The following POC1B variants were observed in gnomAD, a reference collection of about 807,000 sequenced individuals.
The protein encoded by POC1B is POC1 centriolar protein B.
In POC1B, 44 loss-of-function variants were observed where a neutral mutation model predicts 60.6. The ratio of observed to expected loss-of-function variants is 0.73; its 90% CI spans 0.57 to 0.93. POC1B has a LOEUF of 0.93. Ranked by LOEUF, POC1B falls within the 40% of genes least tolerant of loss-of-function variation. The pLI, the probability that POC1B is intolerant of heterozygous loss-of-function variation, is 0.00. For synonymous variants in POC1B, 180 were observed against 198.9 expected (o/e 0.90, Z 0.80); for missense variants, 555 against 572.3 (o/e 0.97, Z 0.31).
intron 2 of POC1B, chr12:89,524,249 C>T (rs749002956): frequency 6.2e-7 from 1 of 1,613,942 alleles, no homozygotes; most frequent in Non-Finnish European, 8.5e-7. Context: ...ATATTGATGG[C>T]GTATCTCTCA....
At chr12:89,467,806 T>C in intron 7 of POC1B, 121 bp from the exon 8 acceptor site, 1 of 607,942 alleles carries the variant, frequency 1.6e-6, no homozygotes, top group Non-Finnish European at 2.7e-6. Context: ...ATAAGTCTAA[T>C]AAAACACATC....
At chr12:89,453,038 G>A (rs1355349549) in intron 10 of POC1B, among the ~76,000 whole-genome samples, 1 of 152,024 alleles carries the variant, frequency 6.6e-6, no homozygotes, top group Non-Finnish European at 1.5e-5. Flanking sequence ...GATTGTATCT[G>A]AAAAAATATT....
intron 2 of POC1B, chr12:89,502,621 C>T (rs1163381641): frequency 1.5e-6 from 2 of 1,314,442 alleles, no homozygotes; most frequent in East Asian, 2.3e-5. Flanking sequence ...AGATTATTCT[C>T]ATGGATCTTG....
intron 3 of POC1B, among the ~76,000 whole-genome samples, chr12:89,496,671 T>C (rs1869264039): frequency 6.6e-6 from 1 of 152,230 alleles, no homozygotes; most frequent in Non-Finnish European, 1.5e-5. Flanking sequence ...CATATGACCT[T>C]ACACAAATTC....
rs1868792083 is a variant in POC1B at position 89,488,899 on chromosome 12, CT to C, written c.452+3036del. 3.9e-5 allele frequency among the ~76,000 whole-genome samples: 6 copies of C among 152,284 alleles called. No individual in the cohort carries two copies. The South Asian group carries it at 8.3e-4, about 21-fold the overall frequency. Reference sequence around the variant, plus strand: ...CAGCTCCCTGTGAAGAATATGCTTCCTTTGCCAACCATACCCAGAGCTGGCT... The same window carrying C: ...CAGCTCCCTGTGAAGAATATGCTTCCTTGCCAACCATACCCAGAGCTGGCT... On this transcript the variant is annotated intron_variant, in intron 4 of 11. Coordinates refer to ENST00000313546, the MANE Select transcript of POC1B (RefSeq NM_172240.3).
chr12:89,525,800 C>A, intron 1 of POC1B, 81 bp downstream of exon 1: 1 of 1,379,678 alleles, frequency 7.2e-7, no homozygotes, highest in Non-Finnish European at 9.4e-7. Flanking sequence ...CCTCCAGGTG[C>A]GGCTTCGGCC....
At chr12:89,500,490 T>G (rs10777172) in intron 2 of POC1B, 2 of 1,593,694 alleles carry the variant, frequency 1.3e-6, no homozygotes, top group Non-Finnish European at 1.7e-6. Flanking sequence ...ACACCTGACT[T>G]GAAAAAAATG....
intron 3 of POC1B, among the ~76,000 whole-genome samples, chr12:89,495,617 A>T (rs1318962870): frequency 2.0e-5 from 3 of 152,178 alleles, no homozygotes; most frequent in East Asian, 3.9e-4. Flanking sequence ...CTTCTAAAGC[A>T]GTGGTCCCCA....
chr12:89,526,003 A>T lies in POC1B; in HGVS notation c.-108T>A, dbSNP rs757382859. 12 of 1,541,800 alleles carry T rather than the reference A, an allele frequency of 7.8e-6. No homozygotes were observed. The highest frequency in any genetic ancestry group is 8.7e-6 in the Non-Finnish European group (10 of 1,145,976). On this transcript the variant is annotated 5_prime_UTR_variant, in exon 1 of 12. Coordinates refer to ENST00000313546, the MANE Select transcript of POC1B (RefSeq NM_172240.3). ...GTGCGGCTCCCGGAACCGTCTGCCC[A>T]GAGCGGCAGCGCCTCCCGGTCACTA...
At chr12:89,512,910 GCC>G (rs1445151419) in intron 2 of POC1B, among the ~76,000 whole-genome samples, 1 of 152,138 alleles carries the variant, frequency 6.6e-6, no homozygotes, top group Non-Finnish European at 1.5e-5. Flanking sequence ...AGATTCCAAA[GCC>G]TAGGCTTTTA....
intron 2 of POC1B, chr12:89,523,740 T>G: frequency 6.5e-7 from 1 of 1,546,836 alleles, no homozygotes; most frequent in Non-Finnish European, 8.7e-7. Flanking sequence ...TGGGCTCCCC[T>G]ATCTGCATAT....
chr12:89,421,624 G>A (rs547737194), intron 11 of POC1B, among the ~76,000 whole-genome samples: 16 of 152,212 alleles, frequency 1.1e-4, no homozygotes, highest in Admixed American at 2.6e-4. Flanking sequence ...GAGGGGGTGC[G>A]AAATTCCACA....
chr12:89,476,994 T>C (rs1398837039), intron 4 of POC1B, among the ~76,000 whole-genome samples: 1 of 152,272 alleles, frequency 6.6e-6, no homozygotes, highest in East Asian at 1.9e-4. Flanking sequence ...GAAATAAGAC[T>C]GCTCAGTAAA....
At chr12:89,402,920 T>C in the POC1B span, among the ~76,000 whole-genome samples, 1 of 152,046 alleles carries the variant, frequency 6.6e-6, no homozygotes, top group Non-Finnish European at 1.5e-5. Flanking sequence ...TGTTTCACCA[T>C]GTTGGCCAGG....
At chr12:89,482,458 A>G (rs1028617861) in intron 4 of POC1B, among the ~76,000 whole-genome samples, 14 of 152,222 alleles carry the variant, frequency 9.2e-5, no homozygotes, top group African/African-American at 2.7e-4. Flanking sequence ...TGATGAAAAA[A>G]TATCAATCCA....
chr12:89,422,050 T>A (rs78056388), intron 11 of POC1B, among the ~76,000 whole-genome samples: 5,458 of 143,344 alleles, frequency 0.038, 289 homozygotes, highest in African/African-American at 0.11. Context: ...CTTTTTTTTT[T>A]AAAAAAACTT....
At chr12:89,487,200 C>A (rs190931729) in intron 4 of POC1B, among the ~76,000 whole-genome samples, 36 of 152,078 alleles carry the variant, frequency 2.4e-4, no homozygotes, top group African/African-American at 7.5e-4. Flanking sequence ...TTTCCGTGGG[C>A]GAGCCTGAGC....
At chr12:89,457,075 A>G (rs1456450092) in intron 10 of POC1B, among the ~76,000 whole-genome samples, 3 of 152,230 alleles carry the variant, frequency 2.0e-5, no homozygotes, top group Admixed American at 6.5e-5. Flanking sequence ...TACAATAACA[A>G]TAACAAAAAT....
chr12:89,476,074 G>A (rs1168176195), intron 4 of POC1B, among the ~76,000 whole-genome samples: 2 of 151,794 alleles, frequency 1.3e-5, no homozygotes, highest in East Asian at 1.9e-4. Context: ...GCACGGCGAA[G>A]TTTTGTAATT....
Sources: gnomAD v4.1 joint callset for allele counts (sites outside exome capture counted in the v4.1 genomes callset) on GRCh38, gnomAD v4.1.1 for gene constraint, MANE v1.5 for transcripts, NCBI Gene and HGNC (gene_info 2026-07-23, HGNC 2026-07-21) for gene names.